The following TTC6 variants were observed in gnomAD, a reference collection of about 807,000 sequenced individuals.
The protein encoded by TTC6 is tetratricopeptide repeat domain 6, also known as tetratricopeptide repeat protein 6.
A neutral mutation model predicts 210.4 loss-of-function variants in TTC6; 172 were observed. That is an observed-to-expected ratio of 0.82 (90% CI 0.72 to 0.93). The LOEUF (loss-of-function observed/expected upper bound fraction) is 0.93, where lower values mean the gene tolerates loss of function less well. TTC6 is among the 40% of genes least tolerant of loss of function. The pLI is 0.00. For synonymous variants in TTC6, 804 were observed against 819.6 expected, an observed-to-expected ratio of 0.98 and a Z score of 0.32; for missense variants, 2,414 against 2,318.1, an observed-to-expected ratio of 1.04 and a Z score of -0.85.
intron 22 of TTC6, 132 bp downstream of exon 24, chr14:37,806,642 C>A: frequency 1.1e-6 from 1 of 871,176 alleles, no homozygotes; most frequent in Non-Finnish European, 1.7e-6. Flanking sequence ...ACTTTATTTT[C>A]ATAATCCAAA....
chr14:37,630,719 CT>C (rs1488431385), intron 1 of TTC6, among the ~76,000 whole-genome samples: 2 of 151,880 alleles, frequency 1.3e-5, no homozygotes, highest in Non-Finnish European at 2.9e-5. Flanking sequence ...GTGTTTAAGT[CT>C]TTTTGTAGGT....
At chr14:37,717,803 T>C (rs1165329401) in intron 6 of TTC6, among the ~76,000 whole-genome samples, 1 of 152,120 alleles carries the variant, frequency 6.6e-6, no homozygotes, top group African/African-American at 2.4e-5. Flanking sequence ...CCAGTATCCT[T>C]GCTATGGTTC....
exon 1 of TTC6, chr14:37,622,085 C>T: frequency 2.0e-6 from 3 of 1,531,552 alleles, no homozygotes; most frequent in Non-Finnish European, 2.6e-6. Flanking sequence ...TCCCGAGACA[C>T]TTTGGCCTGA....
At chr14:37,680,895 C>T (rs1161334924) in intron 2 of TTC6, among the ~76,000 whole-genome samples, 1 of 151,992 alleles carries the variant, frequency 6.6e-6, no homozygotes. Context: ...AAATATGACC[C>T]CCACATACAT....
chr14:37,712,212 G>C (rs924803002), intron 5 of TTC6, among the ~76,000 whole-genome samples: 10 of 152,146 alleles, frequency 6.6e-5, no homozygotes, highest in African/African-American at 2.2e-4. Flanking sequence ...TTTGGAATGT[G>C]AAAGAGCAAA....
At chr14:37,700,143 T>G (rs2095822141) in intron 4 of TTC6, among the ~76,000 whole-genome samples, 1 of 152,044 alleles carries the variant, frequency 6.6e-6, no homozygotes, top group Non-Finnish European at 1.5e-5. Context: ...GAAAAGAAGG[T>G]CATTTGGTTG....
At chr14:37,630,907 GTTT>G (rs746429138) in intron 1 of TTC6, among the ~76,000 whole-genome samples, 6 of 33,068 alleles carry the variant, frequency 1.8e-4, no homozygotes, top group Admixed American at 4.2e-4. Flanking sequence ...GGCAACCCCT[GTTT>G]TTTTTTTTTT....
intron 6 of TTC6, among the ~76,000 whole-genome samples, chr14:37,718,142 T>A (rs1179322428): frequency 6.6e-6 from 1 of 152,206 alleles, no homozygotes; most frequent in Non-Finnish European, 1.5e-5. Flanking sequence ...AGACAACTCC[T>A]TATAAATATT....
At chr14:37,753,162 A>T in exon 14 of TTC6, 1 of 1,535,610 alleles carries the variant, frequency 6.5e-7, no homozygotes, top group Non-Finnish European at 8.7e-7. Flanking sequence ...TTATTGTGAA[A>T]ATGAAAACTG....
At chr14:37,701,995 G>A (rs2095826321) in intron 5 of TTC6, among the ~76,000 whole-genome samples, 1 of 152,074 alleles carries the variant, frequency 6.6e-6, no homozygotes, top group Admixed American at 6.6e-5. Flanking sequence ...TTCTCCTTGG[G>A]TCTCACCTTC....
rs1361523577 is a variant in TTC6 at position 37,771,038 on chromosome 14, T to G, written c.3267-16430T>G. 5.2e-3 allele frequency among the ~76,000 whole-genome samples: 712 copies of G among 137,394 alleles called. 3 individuals carry two copies. The highest frequency in any genetic ancestry group is 0.018 in the African/African-American group (653 of 37,284). The allele number at this position is 137,394 out of a possible 152,430, so 90.1% of individuals were successfully genotyped here. Reference sequence around the variant, plus strand: ...TCTCAGCATTTGCTTGTCTGTAAAGTATTTTATTTCTCCTTCACTTATGAA... The same window carrying G: ...TCTCAGCATTTGCTTGTCTGTAAAGGATTTTATTTCTCCTTCACTTATGAA... On this transcript the variant is annotated intron_variant, in intron 14 of 30. Transcript: ENST00000553443.
At chr14:37,800,112 G>T (rs1170854743) in intron 20 of TTC6, among the ~76,000 whole-genome samples, 1 of 152,128 alleles carries the variant, frequency 6.6e-6, no homozygotes, top group Non-Finnish European at 1.5e-5. Flanking sequence ...GGCAGAGGCT[G>T]AAAGAATTTT....
chr14:37,818,117 T>C (rs1186576559), intron 26 of TTC6, among the ~76,000 whole-genome samples: 2 of 152,002 alleles, frequency 1.3e-5, no homozygotes, highest in Non-Finnish European at 2.9e-5. Context: ...AAAACGTAAC[T>C]AAATATAATA....
At chr14:37,705,396 G>A (rs928875588) in intron 5 of TTC6, among the ~76,000 whole-genome samples, 12 of 152,000 alleles carry the variant, frequency 7.9e-5, no homozygotes, top group East Asian at 3.9e-4. Context: ...AAGAAAATGC[G>A]AAAATGAAAA....
At chr14:37,820,327 G>A (rs2096152447) in intron 26 of TTC6, among the ~76,000 whole-genome samples, 1 of 152,132 alleles carries the variant, frequency 6.6e-6, no homozygotes, top group South Asian at 2.1e-4. Flanking sequence ...TCAGCTTTAA[G>A]ATTTAGTGAA....
intron 14 of TTC6, among the ~76,000 whole-genome samples, chr14:37,767,444 T>C (rs1472756403): frequency 3.9e-4 from 59 of 152,194 alleles, no homozygotes; most frequent in South Asian, 1.9e-3. Context: ...TATTTCTCCA[T>C]ATCCTCTCCA....
intron 26 of TTC6, among the ~76,000 whole-genome samples, chr14:37,819,702 G>A (rs1191946726): frequency 5.3e-5 from 8 of 152,030 alleles, no homozygotes; most frequent in Non-Finnish European, 7.4e-5. Flanking sequence ...CTTACATATT[G>A]GGGCATAAAA....
intron 7 of TTC6, among the ~76,000 whole-genome samples, chr14:37,725,269 G>T (rs1216220664): frequency 2.2e-5 from 2 of 90,980 alleles, no homozygotes; most frequent in Non-Finnish European, 2.3e-5. Flanking sequence ...ATGTATATAT[G>T]TATATATATA....
At chr14:37,637,464 T>C (rs2095683163) in intron 1 of TTC6, among the ~76,000 whole-genome samples, 1 of 152,006 alleles carries the variant, frequency 6.6e-6, no homozygotes, top group African/African-American at 2.4e-5. Context: ...AACTCTACAG[T>C]AGAAAAATCC....
Sources: allele counts gnomAD v4.1 joint callset (sites outside exome capture counted in the v4.1 genomes callset), GRCh38; gene constraint gnomAD v4.1.1; transcripts MANE v1.5; gene names NCBI Gene and HGNC (gene_info 2026-07-23, HGNC 2026-07-21).